Variants in DMRT1 observed in about 807,000 individuals in gnomAD.
DMRT1 encodes the protein doublesex- and mab-3-related transcription factor 1.
In DMRT1, 7 loss-of-function variants were observed where a neutral mutation model predicts 32.3. The ratio of observed to expected loss-of-function variants is 0.22; its 90% CI spans 0.12 to 0.41. DMRT1 has a LOEUF of 0.41. Ranked by LOEUF, DMRT1 falls within the 10% of genes least tolerant of loss-of-function variation. The probability of loss-of-function intolerance (pLI) is 1.00; values close to 1 mark genes in which losing one functional copy is unlikely to be tolerated. For missense variants in DMRT1, 625 were observed against 500.5 expected, an observed-to-expected ratio of 1.25 and a Z score of -2.37; for synonymous variants, 278 against 206.1, an observed-to-expected ratio of 1.35 and a Z score of -2.99.
At position 846,923 on chromosome 9, in the gene DMRT1, G is replaced by C. The variant is rs1206451167; in HGVS notation, c.355-37G>C. On this transcript the variant is annotated intron_variant, in intron 1 of 4. Transcript: ENST00000382276. The stretch of plus-strand genomic sequence containing the variant: ...CTGTGTTTTGGCAAAGCTGATTCTG[G>C]AGTGCTGGAGGATGACTCATTGTCG... 1.9e-6 allele frequency: 3 copies of C among 1,613,534 alleles called. No individual in the cohort carries two copies. In the South Asian group the frequency reaches 3.3e-5, roughly 18 times the overall value.
intron 2 of DMRT1, among the ~76,000 whole-genome samples, chr9:868,253 A>T (rs962451757): frequency 6.6e-6 from 1 of 152,226 alleles, no homozygotes; most frequent in African/African-American, 2.4e-5. Context: ...TGCTGGGATT[A>T]CAGGCGTGAC....
chr9:898,897 C>T (rs964617795), intron 3 of DMRT1, among the ~76,000 whole-genome samples: 10 of 152,198 alleles, frequency 6.6e-5, no homozygotes, highest in East Asian at 3.9e-4. Flanking sequence ...TTAATTCTTA[C>T]AGCCCATGAA....
At chr9:845,657 G>C (rs768356994) in intron 1 of DMRT1, among the ~76,000 whole-genome samples, 13 of 152,016 alleles carry the variant, frequency 8.6e-5, no homozygotes, top group Non-Finnish European at 1.5e-4. Context: ...CCTGCCTTCA[G>C]CCTCTTCTTC....
chr9:941,351 A>G (rs572312492), intron 4 of DMRT1, among the ~76,000 whole-genome samples: 2 of 131,820 alleles, frequency 1.5e-5, no homozygotes, highest in East Asian at 2.5e-4. Flanking sequence ...CACATATGCA[A>G]TGGAATATTA....
chr9:929,167 G>C (rs1818627429), intron 4 of DMRT1, among the ~76,000 whole-genome samples: 1 of 152,126 alleles, frequency 6.6e-6, no homozygotes, highest in South Asian at 2.1e-4. Flanking sequence ...ATTTGTATTT[G>C]CTAAATCTGA....
At chr9:870,944 G>A (rs1182926156) in intron 2 of DMRT1, among the ~76,000 whole-genome samples, 1 of 151,686 alleles carries the variant, frequency 6.6e-6, no homozygotes, top group Non-Finnish European at 1.5e-5. Flanking sequence ...AAACTCCTGG[G>A]CTCAGCTGAT....
intron 4 of DMRT1, among the ~76,000 whole-genome samples, chr9:941,328 CT>C (rs1269188207): frequency 2.3e-4 from 29 of 123,824 alleles, no homozygotes; most frequent in African/African-American, 1.2e-3. Context: ...CACACACCCC[CT>C]CCCCCCCCCC....
chr9:852,080 C>T (rs1815165252), intron 2 of DMRT1, among the ~76,000 whole-genome samples: 1 of 151,756 alleles, frequency 6.6e-6, no homozygotes, highest in Admixed American at 6.6e-5. Flanking sequence ...GCTGGGATTA[C>T]AGGCGATCAC....
At chr9:879,775 G>A (rs998837435) in intron 2 of DMRT1, among the ~76,000 whole-genome samples, 31 of 152,330 alleles carry the variant, frequency 2.0e-4, no homozygotes, top group Non-Finnish European at 4.0e-4. Context: ...TATGGCCATA[G>A]ACTCTCTTAT....
chr9:937,038 A>T (rs1186890540), intron 4 of DMRT1, among the ~76,000 whole-genome samples: 1 of 152,118 alleles, frequency 6.6e-6, no homozygotes, highest in African/African-American at 2.4e-5. Context: ...TCTCTCTTCT[A>T]CTTTCCATCT....
intron 4 of DMRT1, among the ~76,000 whole-genome samples, chr9:959,753 C>T (rs960496744): frequency 1.5e-4 from 23 of 151,822 alleles, no homozygotes; most frequent in African/African-American, 5.3e-4. Flanking sequence ...GTCTTGAGCT[C>T]CTGACCTCTG....
At chr9:907,945 T>C (rs560728944) in intron 3 of DMRT1, among the ~76,000 whole-genome samples, 2 of 152,186 alleles carry the variant, frequency 1.3e-5, no homozygotes, top group East Asian at 3.9e-4. Context: ...GAAAACATGG[T>C]CTCAAGAAGT....
At chr9:853,106 G>T (rs969331034) in intron 2 of DMRT1, among the ~76,000 whole-genome samples, 2 of 152,108 alleles carry the variant, frequency 1.3e-5, no homozygotes, top group African/African-American at 4.8e-5. Flanking sequence ...AGCAGTTTTA[G>T]GTTCACAGCA....
At chr9:933,925 C>T (rs1818804415) in intron 4 of DMRT1, among the ~76,000 whole-genome samples, 1 of 152,052 alleles carries the variant, frequency 6.6e-6, no homozygotes. Context: ...CCTTATTCTC[C>T]TATCCTGTCG....
In DMRT1 at chr9:916,895, G is replaced by A; in HGVS notation, c.955G>A (p.Ala319Thr). 6.2e-7 allele frequency: 1 copy of A among 1,614,172 alleles called. No individual in the cohort carries two copies. Among genetic ancestry groups the A allele is most frequent in the Non-Finnish European group, 8.5e-7 (1 of 1,180,022 alleles). The change falls in exon 4 of 5, where the codon GCC (alanine) becomes ACC (threonine). Residue 319 changes from alanine (A) to threonine (T), a missense_variant. Physicochemically the swap from Ala to Thr is moderately conservative, Grantham distance 58. Around this residue, in one of 3 missense-constraint regions of DMRT1, gnomAD observed 416 missense variants for 321.6 expected, o/e 1.29. Transcript: ENST00000382276. ...TGAGGATGCTCCCTCTTACCCGGAA[G>A]CCAGGGCGAGCGGTAGGTGTCTGGT... ...TFEDAPSYPE[A>T]RASVFSPPSS...
At chr9:847,547 A>G (rs2146532) in intron 2 of DMRT1, among the ~76,000 whole-genome samples, 103,039 of 152,068 alleles carry the variant, frequency 0.68, 36,186 homozygotes, top group Middle Eastern at 0.77. Flanking sequence ...GCCAAATCCT[A>G]GTGTCAAATT....
chr9:914,087 A>G (rs4237170), intron 3 of DMRT1, among the ~76,000 whole-genome samples: 126,325 of 151,708 alleles, frequency 0.83, 53,053 homozygotes, highest in African/African-American at 0.93. Flanking sequence ...GGGAATCATC[A>G]AAAGATGCTG....
intron 3 of DMRT1, among the ~76,000 whole-genome samples, chr9:913,465 C>A (rs1233985144): frequency 2.0e-5 from 3 of 151,858 alleles, no homozygotes; most frequent in East Asian, 3.9e-4. Context: ...CAACAGACCC[C>A]TGAAAAAAAT....
chr9:885,512 A>G (rs1564223719), intron 2 of DMRT1, among the ~76,000 whole-genome samples: 1 of 152,132 alleles, frequency 6.6e-6, no homozygotes, highest in African/African-American at 2.4e-5. Flanking sequence ...CTGCTGGTCA[A>G]ATGGCCTAGG....
Sources: allele counts gnomAD v4.1 joint callset (sites outside exome capture counted in the v4.1 genomes callset), GRCh38; gene constraint gnomAD v4.1.1; regional missense constraint gnomAD v4.1.1; transcripts MANE v1.5; gene names NCBI Gene and HGNC (gene_info 2026-07-23, HGNC 2026-07-21).